Variants in TPCN1 observed in about 807,000 individuals in gnomAD.
TPCN1 encodes the protein two pore segment channel 1, also known as two pore channel protein 1.
TPCN1 carries 52 observed loss-of-function variants against 108.8 expected under a neutral mutation model. The ratio of observed to expected loss-of-function variants is 0.48; its 90% CI spans 0.38 to 0.60. The LOEUF (loss-of-function observed/expected upper bound fraction) is 0.60. TPCN1 is among the 20% of genes least tolerant of loss of function. The pLI is 0.00. For missense variants in TPCN1, 806 were observed against 1,072.8 expected, an observed-to-expected ratio of 0.75 and a Z score of 3.47; for synonymous variants, 446 against 433.7, an observed-to-expected ratio of 1.03 and a Z score of -0.35.
At chr12:113,261,341 A>G (rs1239899139) in intron 3 of TPCN1, among the ~76,000 whole-genome samples, 1 of 150,260 alleles carries the variant, frequency 6.7e-6, no homozygotes, top group East Asian at 2.0e-4. Flanking sequence ...TAAGAATAAT[A>G]TATCTGTTTT....
chr12:113,260,182 G>A, intron 2 of TPCN1, 186 bp from the exon 3 acceptor site: 1 of 554,544 alleles, frequency 1.8e-6, no homozygotes, highest in Non-Finnish European at 2.8e-6. Context: ...CAAGAGAAAG[G>A]AAAACATTTG....
chr12:113,284,781 C>T lies in TPCN1; in HGVS notation c.1453+10C>T, dbSNP rs199828232. The T allele has an allele frequency of 6.1e-5, 98 of 1,613,996 alleles. No homozygotes were observed. The highest frequency in any genetic ancestry group is 7.3e-5 in the Non-Finnish European group (86 of 1,179,970). On this transcript the variant is annotated intron_variant, in intron 17 of 27. Coordinates refer to ENST00000335509, the MANE Select transcript of TPCN1 (RefSeq NM_017901.6). The surrounding 1 kb of genome is among the most constrained non-coding windows in gnomAD (Gnocchi z 4.1). The stretch of plus-strand genomic sequence containing the variant: ...CTCGTCTTTCTAACTAGTACGTTTC[C>T]GACATGGCTTTGCTGGACTGCTTGT...
intron 2 of TPCN1, among the ~76,000 whole-genome samples, chr12:113,255,522 TATTA>T (rs1377148655): frequency 6.6e-6 from 1 of 151,906 alleles, no homozygotes; most frequent in Non-Finnish European, 1.5e-5. Context: ...TAATTATTAT[TATTA>T]ATTAATTTTT....
chr12:113,285,017 C>T (rs1956018439), intron 17 of TPCN1, among the ~76,000 whole-genome samples: 1 of 152,208 alleles, frequency 6.6e-6, no homozygotes, highest in Non-Finnish European at 1.5e-5. Context: ...TGTTTGCCAG[C>T]GCCGTGTCCC....
chr12:113,294,478 T>G (rs1055139751), intron 27 of TPCN1, among the ~76,000 whole-genome samples: 61 of 151,964 alleles, frequency 4.0e-4, no homozygotes, highest in African/African-American at 1.4e-3. Context: ...ATTACAAAAT[T>G]TAGCCAGGCC....
At chr12:113,255,511 C>A (rs1308408720) in intron 2 of TPCN1, among the ~76,000 whole-genome samples, 1 of 151,404 alleles carries the variant, frequency 6.6e-6, no homozygotes, top group African/African-American at 2.4e-5. Flanking sequence ...TAGAAATTGA[C>A]TAATTATTAT....
Position 113,232,252 on chromosome 12 carries a change from C to T in TPCN1, c.112+5288C>T, listed in dbSNP as rs1440277075. Among the ~76,000 whole-genome samples the T allele has an allele frequency of 1.3e-5, 2 of 152,240 alleles. No individual in the cohort carries two copies. The highest frequency in any genetic ancestry group is 2.9e-5 in the Non-Finnish European group (2 of 68,040). ...TTCACGCCGATGCCTGGCACATCAT[C>T]TGGAGTTCCCTAGGACACAGTGCAG... On this transcript the variant is annotated intron_variant, in intron 2 of 27. Transcript: ENST00000335509. This position sits in a 1 kb window ranked among gnomAD's most constrained non-coding sequence, Gnocchi z 5.6.
At chr12:113,292,899 C>G (rs188432355) in intron 25 of TPCN1, 35 bp from the exon 26 acceptor site, 91 of 1,599,784 alleles carry the variant, frequency 5.7e-5, no homozygotes, top group Non-Finnish European at 7.5e-5. Context: ...GCTGCAGCCC[C>G]GGGCCCTTCC....
intron 1 of TPCN1, among the ~76,000 whole-genome samples, chr12:113,222,399 T>C (rs560846644): frequency 3.3e-5 from 5 of 152,334 alleles, no homozygotes; most frequent in Non-Finnish European, 7.4e-5. Flanking sequence ...AGCAGCTCAG[T>C]TGACATTTTG....
chr12:113,233,711 G>A (rs903948743), intron 2 of TPCN1, among the ~76,000 whole-genome samples: 3 of 152,356 alleles, frequency 2.0e-5, no homozygotes, highest in Non-Finnish European at 2.9e-5. Flanking sequence ...AGCCCTCGCC[G>A]TGTGTCAGGC....
At chr12:113,292,766 A>AG in intron 25 of TPCN1, 168 bp from the exon 26 acceptor site, 1 of 717,808 alleles carries the variant, frequency 1.4e-6, no homozygotes, top group Middle Eastern at 4.1e-4. Context: ...CAGCAGAGGG[A>AG]GGGGAAGGGA....
Position 113,290,225 on chromosome 12 carries a change from A to G in TPCN1, c.1894A>G (p.Asn632Asp), listed in dbSNP as rs1198712256. Residue 632 changes from asparagine to aspartate, a missense_variant, in exon 22 of 28, where the codon AAC becomes GAC. Asn to Asp is a conservative substitution (Grantham distance 23). Coordinates refer to ENST00000335509, the MANE Select transcript of TPCN1 (RefSeq NM_017901.6). ...CTACTATTATCTCAATAATTTTGAC[A>G]ACATCCTCAACAGCTTTGGTGAGTG... ...EGYYYLNNFD[N>D]ILNSFVTLFE... 1 of 1,599,230 alleles carries G rather than the reference A, an allele frequency of 6.3e-7. No individual in the cohort carries two copies. The highest frequency in any genetic ancestry group is 8.5e-7 in the Non-Finnish European group (1 of 1,171,472).
intron 15 of TPCN1, among the ~76,000 whole-genome samples, chr12:113,282,345 G>A (rs963145181): frequency 4.6e-5 from 7 of 151,376 alleles, no homozygotes; most frequent in South Asian, 2.1e-4. Flanking sequence ...CACCTGCCTC[G>A]GCCTCCCAAA....
chr12:113,280,510 T>A (rs1955851090), intron 15 of TPCN1, among the ~76,000 whole-genome samples: 1 of 152,170 alleles, frequency 6.6e-6, no homozygotes, highest in Admixed American at 6.5e-5. Context: ...CCTCACCTCA[T>A]TTAGGTGAGG....
At chr12:113,247,309 C>T (rs79949776) in intron 2 of TPCN1, among the ~76,000 whole-genome samples, 2,540 of 152,322 alleles carry the variant, frequency 0.017, 90 homozygotes, top group East Asian at 0.15. Flanking sequence ...CATCTGCACT[C>T]ACACCCTGAC....
At chr12:113,290,507 C>T (rs1017943214) in intron 22 of TPCN1, among the ~76,000 whole-genome samples, 4 of 152,156 alleles carry the variant, frequency 2.6e-5, no homozygotes, top group Admixed American at 6.5e-5. Flanking sequence ...CTTAGCTGGG[C>T]GGGGTCCCCT....
intron 26 of TPCN1, 28 bp from the exon 27 acceptor site, chr12:113,293,241 G>T: frequency 6.2e-7 from 1 of 1,612,772 alleles, no homozygotes; most frequent in Non-Finnish European, 8.5e-7. Flanking sequence ...ATCTGCAGCC[G>T]AGCCCTGCAG....
At chr12:113,282,435 G>T (rs2136704571) in intron 15 of TPCN1, among the ~76,000 whole-genome samples, 1 of 151,724 alleles carries the variant, frequency 6.6e-6, no homozygotes, top group South Asian at 2.1e-4. Context: ...TTTTATTTTG[G>T]GGGATTGCTT....
At chr12:113,247,386 C>T (rs1406968183) in intron 2 of TPCN1, among the ~76,000 whole-genome samples, 1 of 152,248 alleles carries the variant, frequency 6.6e-6, no homozygotes, top group African/African-American at 2.4e-5. Flanking sequence ...TCTGCCCCTT[C>T]TGCCCCCTGC....
Sources: gnomAD v4.1 joint callset for allele counts (sites outside exome capture counted in the v4.1 genomes callset) on GRCh38, gnomAD v4.1.1 for gene constraint, Gnocchi (gnomAD v3.1) non-coding constraint, MANE v1.5 for transcripts, NCBI Gene and HGNC (gene_info 2026-07-23, HGNC 2026-07-21) for gene names.